ZNF577: variants seen among roughly 807,000 people sequenced by gnomAD.
The protein encoded by ZNF577 is zinc finger protein 577.
Under a neutral mutation model 13.9 loss-of-function variants are expected in ZNF577, and 14 were observed. The ratio of observed to expected loss-of-function variants is 1.00; its 90% CI spans 0.66 to 1.57. ZNF577 has a LOEUF of 1.57. Ranked by LOEUF, ZNF577 falls within the 40% of genes most tolerant of loss-of-function variation. ZNF577 has a pLI of 0.00. For synonymous variants in ZNF577, 203 were observed against 202.9 expected (o/e 1.00, Z 0.00); for missense variants, 555 against 579.2 (o/e 0.96, Z 0.43).
chr19:51,836,693 T>C (rs1003271927), intron 9 of ZNF577, among the ~76,000 whole-genome samples: 17 of 152,192 alleles, frequency 1.1e-4, no homozygotes, highest in Admixed American at 4.6e-4. Context: ...ATCTGTATGA[T>C]GGAATGTTAG....
intron 1 of ZNF577, among the ~76,000 whole-genome samples, chr19:51,885,891 T>G (rs1238346972): frequency 6.6e-6 from 1 of 152,166 alleles, no homozygotes; most frequent in Non-Finnish European, 1.5e-5. Context: ...GCCATAACAA[T>G]GTCTCTTGAT....
chr19:51,835,756 G>A (rs2084284483), intron 9 of ZNF577, among the ~76,000 whole-genome samples: 1 of 152,050 alleles, frequency 6.6e-6, no homozygotes, highest in East Asian at 1.9e-4. Context: ...GCAATGGCAC[G>A]ATCTCGGCTC....
At chr19:51,813,306 T>C (rs1017804993) in intron 9 of ZNF577, among the ~76,000 whole-genome samples, 10 of 152,252 alleles carry the variant, frequency 6.6e-5, no homozygotes, top group Admixed American at 6.5e-4. Flanking sequence ...CAAGTGCCTA[T>C]AGGACTCTTA....
At position 51,872,802 on chromosome 19, in the gene ZNF577, G is replaced by T. The variant is rs1454967952; in HGVS notation, c.1188C>A (p.Thr396=). ...GTATGAGTTCGCTCATGTATAAGGA[G>T]GTATGACTCCTTGAGGAAGGTTTCT... ...TVEKPSSRSH[T]SLYMSELIQE... The change falls in exon 6 of 6, where the codon ACC becomes ACA. Residue 396 remains threonine, a synonymous_variant. Coordinates refer to ENST00000638348, the MANE Select transcript of ZNF577 (RefSeq NM_001370449.1). 25 of 1,614,168 alleles carry T rather than the reference G, an allele frequency of 1.5e-5. No homozygotes were observed. Among genetic ancestry groups the T allele is most frequent in the Non-Finnish European group, 2.1e-5 (25 of 1,180,030 alleles).
chr19:51,868,174 C>T lies in ZNF577; in HGVS notation c.*4358G>A, dbSNP rs1015283203. ...CATCTTCCCACTTGTAATAGAAGTT[C>T]TTTTTAAAAGTTGCTGACTTAGTCC... On this transcript the variant is annotated 3_prime_UTR_variant, in exon 6 of 6. Transcript: ENST00000638348. 6.6e-5 allele frequency among the ~76,000 whole-genome samples: 10 copies of T among 152,122 alleles called. No homozygotes were observed. The highest frequency in any genetic ancestry group is 1.0e-4 in the Non-Finnish European group (7 of 68,022).
chr19:51,805,520 G>A (rs2084052539), intron 10 of ZNF577, among the ~76,000 whole-genome samples: 1 of 152,200 alleles, frequency 6.6e-6, no homozygotes, highest in South Asian at 2.1e-4. Context: ...ACTCACTTTT[G>A]TTATATTCTA....
chr19:51,807,082 C>T (rs2084064111), intron 10 of ZNF577, among the ~76,000 whole-genome samples: 1 of 152,036 alleles, frequency 6.6e-6, no homozygotes, highest in Non-Finnish European at 1.5e-5. Flanking sequence ...AGGGGACGAG[C>T]GTGGGAATAA....
chr19:51,838,458 G>A (rs1383547008), intron 9 of ZNF577, among the ~76,000 whole-genome samples: 2 of 151,054 alleles, frequency 1.3e-5, no homozygotes, highest in African/African-American at 2.4e-5. Flanking sequence ...ATTATTCGTT[G>A]TGCACATGTA....
rs1297607186 is a variant in ZNF577, at chr19:51,869,753, TA to T, written c.*2778del. ...GTGTGCCAGAAACCCCTACAGGGGC[TA>T]AACAGTCAAGACACACCAGCCGCTA... On this transcript the variant is annotated 3_prime_UTR_variant, in exon 6 of 6. Coordinates refer to ENST00000638348, the MANE Select transcript of ZNF577 (RefSeq NM_001370449.1). Among the ~76,000 whole-genome samples the T allele has an allele frequency of 2.0e-5, 3 of 152,192 alleles. No homozygotes were observed. The highest frequency in any genetic ancestry group is 6.5e-5 in the Admixed American group (1 of 15,280).
intron 5 of ZNF577, among the ~76,000 whole-genome samples, chr19:51,876,038 G>A (rs2084756626): frequency 6.6e-6 from 1 of 152,142 alleles, no homozygotes; most frequent in Non-Finnish European, 1.5e-5. Context: ...GGGAGGGAAA[G>A]GATTTTCCAG....
At chr19:51,845,392 G>A (rs375895300) in intron 5 of ZNF577, among the ~76,000 whole-genome samples, 1 of 152,052 alleles carries the variant, frequency 6.6e-6, no homozygotes, top group Admixed American at 6.6e-5. Flanking sequence ...GGGAGGCTGA[G>A]GCAGGAGAAT....
At chr19:51,875,862 G>C (rs1297308370) in intron 5 of ZNF577, among the ~76,000 whole-genome samples, 4 of 152,234 alleles carry the variant, frequency 2.6e-5, no homozygotes, top group Non-Finnish European at 4.4e-5. Context: ...ATGGCCTACT[G>C]TGAAGTGGGA....
At chr19:51,883,756 A>C (rs1231962721) in intron 1 of ZNF577, among the ~76,000 whole-genome samples, 2 of 152,176 alleles carry the variant, frequency 1.3e-5, no homozygotes, top group African/African-American at 2.4e-5. Context: ...AAAAAAACTG[A>C]ATGTGGACTA....
At position 51,875,383 on chromosome 19, in the gene ZNF577, AAG is replaced by A. The variant is rs1247893027; in HGVS notation, c.284-1679_284-1678del. Reference sequence around the variant, plus strand: ...TGTCACAAAAAAAAAAAAAAAAAAAAAGAGAGAGCTCCAAATGTGCCCTGGCA... The same window carrying A: ...TGTCACAAAAAAAAAAAAAAAAAAAAAGAGAGCTCCAAATGTGCCCTGGCA... On this transcript the variant is annotated intron_variant, in intron 5 of 5. Transcript: ENST00000638348. Among the ~76,000 whole-genome samples the A allele has an allele frequency of 7.4e-5, 11 of 148,324 alleles. No homozygotes were observed. The East Asian group carries it at 1.8e-3, about 24-fold the overall frequency.
chr19:51,885,118 A>C (rs1375714059), intron 1 of ZNF577, among the ~76,000 whole-genome samples: 2 of 152,210 alleles, frequency 1.3e-5, no homozygotes, highest in African/African-American at 4.8e-5. Context: ...ATATTGGTCA[A>C]GTTTGTTAAT....
At chr19:51,815,997 T>C (rs1364763584) in intron 9 of ZNF577, among the ~76,000 whole-genome samples, 3 of 150,782 alleles carry the variant, frequency 2.0e-5, no homozygotes, top group African/African-American at 7.3e-5. Context: ...AGCCCAGGAG[T>C]TTGAGGCTGC....
At chr19:51,856,487 T>C (rs569311418) in intron 5 of ZNF577, among the ~76,000 whole-genome samples, 13 of 152,306 alleles carry the variant, frequency 8.5e-5, no homozygotes, top group Non-Finnish European at 1.6e-4. Flanking sequence ...CAGTTTTGTG[T>C]TTATTTGGTT....
chr19:51,821,037 A>G (rs964385634), intron 9 of ZNF577, among the ~76,000 whole-genome samples: 3 of 152,160 alleles, frequency 2.0e-5, no homozygotes, highest in Admixed American at 6.5e-5. Context: ...AAAAGGCACG[A>G]CCCAGGATTG....
At chr19:51,853,509 G>C (rs2084389981) in intron 5 of ZNF577, among the ~76,000 whole-genome samples, 1 of 152,048 alleles carries the variant, frequency 6.6e-6, no homozygotes, top group African/African-American at 2.4e-5. Flanking sequence ...GCGTTGTATT[G>C]GTCTTTTTAC....
Sources: gnomAD v4.1 joint callset for allele counts (sites outside exome capture counted in the v4.1 genomes callset) on GRCh38, gnomAD v4.1.1 for gene constraint, MANE v1.5 for transcripts, NCBI Gene and HGNC (gene_info 2026-07-23, HGNC 2026-07-21) for gene names.